The following DIP2C variants were observed in gnomAD, a reference collection of about 807,000 sequenced individuals.
DIP2C encodes DIP2 acetate--CoA ligase C (putative).
In DIP2C, 33 loss-of-function variants were observed where a neutral mutation model predicts 192.4. The observed-to-expected ratio is 0.17, with a 90% CI of 0.13 to 0.23. The LOEUF (loss-of-function observed/expected upper bound fraction) is 0.23. DIP2C is among the 10% of genes least tolerant of loss of function. The pLI is 1.00. For missense variants in DIP2C, 1,537 were observed against 2,110.1 expected (o/e 0.73, Z 5.32); for synonymous variants, 979 against 864.1 (o/e 1.13, Z -2.33).
chr10:427,525 C>T (rs1016672345), intron 4 of DIP2C, among the ~76,000 whole-genome samples: 3 of 152,098 alleles, frequency 2.0e-5, no homozygotes, highest in Non-Finnish European at 4.4e-5. Flanking sequence ...TCGTTCAGAT[C>T]GTATAAGGCA....
intron 1 of DIP2C, among the ~76,000 whole-genome samples, chr10:629,473 C>T (rs1334386191): frequency 2.0e-5 from 3 of 152,216 alleles, no homozygotes; most frequent in Admixed American, 1.3e-4. Context: ...CCCCTCAGGG[C>T]ACACTGGGAC....
chr10:323,475 C>CAGTCAGTCTGAGA (rs1491343596), intron 31 of DIP2C, among the ~76,000 whole-genome samples: 1 of 12,186 alleles, frequency 8.2e-5, no homozygotes, highest in Non-Finnish European at 1.0e-3. Context: ...GTTGTTAGAA[C>CAGTCAGTCTGAGA]GCAGTCAGTC....
At chr10:280,051 TC>T (rs1304464327) in intron 36 of DIP2C, among the ~76,000 whole-genome samples, 1 of 151,350 alleles carries the variant, frequency 6.6e-6, no homozygotes, top group Non-Finnish European at 1.5e-5. Context: ...GCCAAAGTCT[TC>T]CTAGAGTTTC....
chr10:601,729 A>G lies in DIP2C; in HGVS notation c.85+87765T>C, dbSNP rs117283060. On this transcript the variant is annotated intron_variant, in intron 1 of 36. Transcript: ENST00000280886. ...CTGACTGCAGGCCTGCCAGCATCTC[A>G]GGGCCAGCCGAAACTGTTCTCTCCT... Among the ~76,000 whole-genome samples, 278 of 152,292 alleles carry G rather than the reference A, an allele frequency of 1.8e-3. 3 individuals are homozygous for G. Among genetic ancestry groups the G allele is most frequent in the Non-Finnish European group, 2.7e-3 (183 of 68,028 alleles).
rs1388858365 is a variant in DIP2C at position 329,613 on chromosome 10, G to C, written c.3585-12C>G. 1 of 1,613,170 alleles carries C rather than the reference G, an allele frequency of 6.2e-7. No individual in the cohort carries two copies. Among genetic ancestry groups the C allele is most frequent in the Admixed American group, 1.7e-5 (1 of 59,914 alleles). ...GCCCAGAATACACACTGCAGAGAAA[G>C]AAGAGGCTGTCAGGGCGGGAGCTCA... is the stretch of plus-strand genomic sequence containing the variant. On this transcript the variant is annotated splice_polypyrimidine_tract_variant and intron_variant, in intron 29 of 36. Coordinates refer to ENST00000280886, the MANE Select transcript of DIP2C (RefSeq NM_014974.3).
chr10:560,281 G>A (rs1849133098), intron 1 of DIP2C, among the ~76,000 whole-genome samples: 1 of 152,160 alleles, frequency 6.6e-6, no homozygotes, highest in African/African-American at 2.4e-5. Flanking sequence ...CACAAAGAGG[G>A]GAGGTTCGGA....
intron 9 of DIP2C, among the ~76,000 whole-genome samples, chr10:407,189 AACTGTTGGGTAGTTAC>A (rs1369382220): frequency 2.0e-5 from 3 of 152,206 alleles, no homozygotes; most frequent in African/African-American, 7.2e-5. Context: ...GGGCAAGGTG[AACTGTTGGGTAGTTAC>A]GCTCGCAGGA....
rs188368518 is a variant in DIP2C, at chr10:547,233, G to A, written c.86-60703C>T. ...CCAGGGAGCTCCCCCAGCCCCCATC[G>A]CGAGGCCACAGCCTTGGTCCTCTGA... is the stretch of plus-strand genomic sequence containing the variant. On this transcript the variant is annotated intron_variant, in intron 1 of 36. Coordinates refer to ENST00000280886, the MANE Select transcript of DIP2C (RefSeq NM_014974.3). Among the ~76,000 whole-genome samples, 28 of 152,274 alleles carry A rather than the reference G, an allele frequency of 1.8e-4. No individual in the cohort carries two copies. The Middle Eastern group carries it at 0.014, about 74-fold the overall frequency.
At chr10:482,287 T>C (rs563860928) in intron 2 of DIP2C, among the ~76,000 whole-genome samples, 92 of 152,306 alleles carry the variant, frequency 6.0e-4, no homozygotes, top group African/African-American at 2.1e-3. Context: ...GACAGCACAG[T>C]GCAAGCCTGC....
rs147793312 is a variant in DIP2C, at chr10:437,156, G to A, written c.394+3715C>T. Among the ~76,000 whole-genome samples the A allele has an allele frequency of 1.6e-3, 233 of 143,108 alleles. 5 individuals are homozygous for A. The East Asian group carries it at 0.042, about 26-fold the overall frequency. 93.9% of individuals were successfully genotyped at this position (143,108 alleles called of 152,430 possible). On this transcript the variant is annotated intron_variant, in intron 4 of 36. Transcript: ENST00000280886. ...ACCTGAGCTCTGAGCTCCGCCTCCTGGACATGGTAGGGTGATATGCTCCAC... is the reference window on the plus strand; with the variant it reads ...ACCTGAGCTCTGAGCTCCGCCTCCTAGACATGGTAGGGTGATATGCTCCAC...
At chr10:611,590 CTT>C (rs1853103300) in intron 1 of DIP2C, among the ~76,000 whole-genome samples, 1 of 152,220 alleles carries the variant, frequency 6.6e-6, no homozygotes. Flanking sequence ...ACCAGGGCCT[CTT>C]TAGCAGCAGA....
intron 33 of DIP2C, 27 bp from the exon 34 acceptor site, chr10:286,374 T>A: frequency 6.2e-7 from 1 of 1,602,756 alleles, no homozygotes; most frequent in Non-Finnish European, 8.5e-7. Flanking sequence ...AAGTCTCTTG[T>A]CAATGGGAGG....
At chr10:304,471 T>C (rs1310807660) in intron 32 of DIP2C, among the ~76,000 whole-genome samples, 1 of 152,154 alleles carries the variant, frequency 6.6e-6, no homozygotes, top group Non-Finnish European at 1.5e-5. Context: ...CAGGCCATGA[T>C]GAAGGGACTA....
At chr10:332,599 T>G (rs575792607) in intron 29 of DIP2C, among the ~76,000 whole-genome samples, 3 of 152,338 alleles carry the variant, frequency 2.0e-5, no homozygotes, top group African/African-American at 7.2e-5. Context: ...AAGAGCAGGT[T>G]GCTTATTCTC....
chr10:608,009 G>A (rs1229063916), intron 1 of DIP2C, among the ~76,000 whole-genome samples: 2 of 151,528 alleles, frequency 1.3e-5, no homozygotes, highest in Non-Finnish European at 1.5e-5. Flanking sequence ...GTCCGCAGGT[G>A]CGGTCAAGTC....
intron 1 of DIP2C, among the ~76,000 whole-genome samples, chr10:608,140 C>G (rs1852655018): frequency 1.0e-5 from 1 of 97,734 alleles, no homozygotes; most frequent in African/African-American, 8.0e-5. Flanking sequence ...AACACACACA[C>G]AGCCCCCCCA....
intron 1 of DIP2C, among the ~76,000 whole-genome samples, chr10:504,632 G>GT (rs1366657013): frequency 2.0e-5 from 3 of 152,178 alleles, no homozygotes; most frequent in Non-Finnish European, 4.4e-5. Context: ...CACGGGCTCC[G>GT]TGTCCAAGTC....
At chr10:481,483 C>T (rs936582483) in intron 2 of DIP2C, among the ~76,000 whole-genome samples, 1 of 152,028 alleles carries the variant, frequency 6.6e-6, no homozygotes, top group African/African-American at 2.4e-5. Context: ...AACATGTGAT[C>T]CAGTCACAGG....
chr10:444,643 G>A (rs1210925075), intron 3 of DIP2C, among the ~76,000 whole-genome samples: 8 of 151,782 alleles, frequency 5.3e-5, no homozygotes, highest in South Asian at 2.1e-4. Flanking sequence ...GCGCTATTCC[G>A]TCACCTGACA....
Sources: gnomAD v4.1 joint callset for allele counts (sites outside exome capture counted in the v4.1 genomes callset) on GRCh38, gnomAD v4.1.1 for gene constraint, MANE v1.5 for transcripts, NCBI Gene and HGNC (gene_info 2026-07-23, HGNC 2026-07-21) for gene names.